The following RANBP17 variants were observed in gnomAD, a reference collection of about 807,000 sequenced individuals.
The protein encoded by RANBP17 is ran-binding protein 17.
A neutral mutation model predicts 141.2 loss-of-function variants in RANBP17; 158 were observed. The observed-to-expected ratio is 1.12, with a 90% CI of 0.98 to 1.28. The LOEUF (loss-of-function observed/expected upper bound fraction) is 1.28. RANBP17 is among the 50% of genes most tolerant of loss of function. The pLI is 0.00. For missense variants in RANBP17, 1,438 were observed against 1,290.7 expected (o/e 1.11, Z -1.75); for synonymous variants, 430 against 450.0 (o/e 0.96, Z 0.56).
At chr5:171,191,031 G>C (rs962068588) in intron 18 of RANBP17, among the ~76,000 whole-genome samples, 3 of 152,032 alleles carry the variant, frequency 2.0e-5, no homozygotes, top group African/African-American at 7.2e-5. Context: ...AATTACTAGG[G>C]GGATACTAAT....
intron 21 of RANBP17, among the ~76,000 whole-genome samples, chr5:171,215,091 TC>T (rs1763141677): frequency 6.6e-6 from 1 of 151,672 alleles, no homozygotes. Context: ...TGTGTGATGT[TC>T]CCCTACCTGT....
chr5:171,227,529 C>G (rs1763949501), intron 22 of RANBP17, among the ~76,000 whole-genome samples: 1 of 152,190 alleles, frequency 6.6e-6, no homozygotes, highest in Non-Finnish European at 1.5e-5. Flanking sequence ...CATCAAAGTG[C>G]AAGGTGAAGC....
intron 13 of RANBP17, among the ~76,000 whole-genome samples, chr5:170,965,194 T>C (rs1355537369): frequency 1.3e-5 from 2 of 152,218 alleles, no homozygotes; most frequent in African/African-American, 4.8e-5. Context: ...CATAAATGTC[T>C]TCTTTTGAGA....
intron 14 of RANBP17, among the ~76,000 whole-genome samples, chr5:171,144,332 C>G (rs912691066): frequency 2.0e-5 from 3 of 151,638 alleles, no homozygotes; most frequent in Non-Finnish European, 4.4e-5. Flanking sequence ...TGCCGCTGCC[C>G]TTACAGCCTG....
At chr5:170,930,238 C>G (rs546507387) in intron 12 of RANBP17, among the ~76,000 whole-genome samples, 10 of 151,742 alleles carry the variant, frequency 6.6e-5, no homozygotes, top group Non-Finnish European at 1.5e-4. Flanking sequence ...TGGGTGCAGA[C>G]TGCAGATCTT....
At chr5:171,124,691 T>C (rs1756297672) in intron 14 of RANBP17, among the ~76,000 whole-genome samples, 1 of 151,800 alleles carries the variant, frequency 6.6e-6, no homozygotes, top group African/African-American at 2.4e-5. Flanking sequence ...CACATGAAAG[T>C]ATAAAACTCA....
chr5:171,038,354 AC>A (rs1782024333), intron 14 of RANBP17, among the ~76,000 whole-genome samples: 1 of 151,986 alleles, frequency 6.6e-6, no homozygotes. Context: ...CTTTTGACAG[AC>A]TTAAGGGTTT....
At chr5:171,108,230 TG>T (rs1289286668) in intron 14 of RANBP17, among the ~76,000 whole-genome samples, 1 of 151,776 alleles carries the variant, frequency 6.6e-6, no homozygotes, top group African/African-American at 2.4e-5. Context: ...TTTCTTGAGG[TG>T]GGGGAGGGTC....
chr5:171,236,674 A>G (rs1409023496), intron 22 of RANBP17, among the ~76,000 whole-genome samples: 1 of 152,108 alleles, frequency 6.6e-6, no homozygotes, highest in Non-Finnish European at 1.5e-5. Context: ...GTATTGTCAT[A>G]GTTTACATTT....
chr5:171,010,214 G>A (rs1779943236), intron 14 of RANBP17, among the ~76,000 whole-genome samples: 1 of 152,174 alleles, frequency 6.6e-6, no homozygotes. Context: ...GATCTTAGCA[G>A]TTGCTGGAGA....
intron 5 of RANBP17, among the ~76,000 whole-genome samples, chr5:170,896,678 C>A (rs2339171): frequency 0.63 from 95,572 of 151,592 alleles, 31,041 homozygotes; most frequent in South Asian, 0.9. Context: ...AAAAATACAA[C>A]AATTAGATGG....
At chr5:171,053,454 T>C (rs909418745) in intron 14 of RANBP17, among the ~76,000 whole-genome samples, 1 of 152,166 alleles carries the variant, frequency 6.6e-6, no homozygotes, top group African/African-American at 2.4e-5. Context: ...GTTAAATTCA[T>C]TCCTAGATAT....
At chr5:171,145,856 A>G (rs553701761) in intron 14 of RANBP17, among the ~76,000 whole-genome samples, 1 of 152,316 alleles carries the variant, frequency 6.6e-6, no homozygotes, top group African/African-American at 2.4e-5. Context: ...AAAGTAAGGG[A>G]AAACATATTA....
chr5:171,206,216 C>A (rs1257066746), intron 20 of RANBP17: 1 of 161,056 alleles, frequency 6.2e-6, no homozygotes, highest in Admixed American at 5.8e-5. Flanking sequence ...TGGTGATAGA[C>A]AGACCCGGCT....
intron 14 of RANBP17, among the ~76,000 whole-genome samples, chr5:171,021,995 C>T (rs943715216): frequency 2.0e-5 from 3 of 151,730 alleles, no homozygotes; most frequent in South Asian, 2.1e-4. Flanking sequence ...CCTGTTGTTG[C>T]ATTGTTTGTT....
At chr5:170,862,163 G>A in intron 1 of RANBP17, 112 bp downstream of exon 1, 3 of 1,146,906 alleles carry the variant, frequency 2.6e-6, no homozygotes, top group Admixed American at 4.2e-5. Flanking sequence ...GCCGTGGGCC[G>A]GTGTCCCCGG....
intron 25 of RANBP17, among the ~76,000 whole-genome samples, chr5:171,289,768 G>A (rs772943489): frequency 3.3e-5 from 5 of 152,094 alleles, no homozygotes; most frequent in Non-Finnish European, 7.4e-5. Context: ...AGTGGCTCAC[G>A]CCTGTAATCC....
At chr5:171,048,740 T>C (rs571903078) in intron 14 of RANBP17, among the ~76,000 whole-genome samples, 38 of 152,338 alleles carry the variant, frequency 2.5e-4, no homozygotes, top group African/African-American at 8.7e-4. Flanking sequence ...CATTTGATTT[T>C]CTGTTCCTGT....
chr5:170,862,077 C>T lies in RANBP17; in HGVS notation c.18+26C>T. On this transcript the variant is annotated intron_variant, in intron 1 of 27. Coordinates refer to ENST00000523189, the MANE Select transcript of RANBP17 (RefSeq NM_022897.5). ...GTCAGTGTGCTCTGCGCCGCGGGCC[C>T]GCGCTCCGCCACGCTGGGAACCCGG... 2.1e-6 allele frequency: 3 copies of T among 1,444,940 alleles called. No individual in the cohort carries two copies. In the South Asian group the frequency reaches 4.1e-5, roughly 20 times the overall value. 89.5% of individuals were successfully genotyped at this position (1,444,940 alleles called of 1,614,324 possible).
Sources: gnomAD v4.1 joint callset for allele counts (sites outside exome capture counted in the v4.1 genomes callset) on GRCh38, gnomAD v4.1.1 for gene constraint, MANE v1.5 for transcripts, NCBI Gene and HGNC (gene_info 2026-07-23, HGNC 2026-07-21) for gene names.